GAD1: variants seen among roughly 807,000 people sequenced by gnomAD.
The protein encoded by GAD1 is 67 kDa glutamic acid decarboxylase.
In GAD1, 35 loss-of-function variants were observed where a neutral mutation model predicts 75.2. The observed-to-expected ratio is 0.47, with a 90% CI of 0.36 to 0.62. The LOEUF (loss-of-function observed/expected upper bound fraction) is 0.62. Among genes scored for constraint, GAD1 ranks in the 20% least tolerant of loss-of-function variants. The pLI, the probability that GAD1 is intolerant of heterozygous loss-of-function variation, is 0.00. For synonymous variants in GAD1, 257 were observed against 271.9 expected (o/e 0.95, Z 0.54); for missense variants, 490 against 758.5 (o/e 0.65, Z 4.16).
At position 170,818,732 on chromosome 2, in the gene GAD1, C is replaced by G. The variant is rs751770927; in HGVS notation, c.82+59C>G. 6.6e-7 allele frequency: 1 copy of G among 1,517,160 alleles called. No homozygotes were observed. Among genetic ancestry groups the G allele is most frequent in the Non-Finnish European group, 9.2e-7 (1 of 1,091,524 alleles). 94.0% of individuals were successfully genotyped at this position (1,517,160 alleles called of 1,614,324 possible). ...TGCAGGGAAGATGGGGGCGCTGGGA[C>G]GTCGGGAGGCTGAGCTGGCGGAAAG... On this transcript the variant is annotated intron_variant, in intron 2 of 16. Coordinates refer to ENST00000358196, the MANE Select transcript of GAD1 (RefSeq NM_000817.3). The surrounding 1 kb of genome is among the most constrained non-coding windows in gnomAD (Gnocchi z 5.9).
intron 5 of GAD1, among the ~76,000 whole-genome samples, chr2:170,833,726 C>T (rs1702298647): frequency 1.3e-5 from 2 of 152,202 alleles, no homozygotes; most frequent in Admixed American, 1.3e-4. Context: ...AAAGCACTGA[C>T]GGGCCTGGCC....
At chr2:170,830,854 C>A in intron 4 of GAD1, 96 bp from the exon 5 acceptor site, 1 of 1,479,238 alleles carries the variant, frequency 6.8e-7, no homozygotes, top group Non-Finnish European at 9.4e-7. Context: ...TGAAATCAGG[C>A]CTATACAGAT....
In GAD1 at chr2:170,818,214, T is replaced by A; in HGVS notation, c.-63-315T>A. The A allele has an allele frequency of 3.1e-6, 1 of 323,456 alleles. No homozygotes were observed. Among genetic ancestry groups the A allele is most frequent in the Non-Finnish European group, 6.0e-6 (1 of 166,868 alleles). 20.0% of individuals were successfully genotyped at this position (323,456 alleles called of 1,614,324 possible). A position where few individuals can be genotyped will look rare whatever the true frequency, so the allele number is the denominator to read the frequency against. On this transcript the variant is annotated intron_variant, in intron 1 of 16. Transcript: ENST00000358196. The surrounding 1 kb of genome is among the most constrained non-coding windows in gnomAD (Gnocchi z 5.9). ...TCCCCCACACCCTTGCGTCTTGTAC[T>A]GGCCTTGGACCCCCACCCCGACCCC... is the stretch of plus-strand genomic sequence containing the variant.
rs45562038 is a variant in GAD1, at chr2:170,848,936, C to T, written c.1120-350C>T. Reference sequence around the variant, plus strand: ...AGACAGCAGGCCTCAGTTTTTTGAGCAGCTTCCAGAGCCACCCGGAGGGGG... The same window carrying T: ...AGACAGCAGGCCTCAGTTTTTTGAGTAGCTTCCAGAGCCACCCGGAGGGGG... On this transcript the variant is annotated intron_variant, in intron 11 of 16. Transcript: ENST00000358196. 2,373 of 420,184 alleles carry T rather than the reference C, an allele frequency of 5.6e-3. 49 individuals carry two copies. The highest frequency in any genetic ancestry group is 0.041 in the African/African-American group (2,001 of 48,910). 26.0% of individuals were successfully genotyped at this position (420,184 alleles called of 1,614,324 possible).
In GAD1 at chr2:170,860,317, C is replaced by T. The variant is rs1052054782; in HGVS notation, c.*435C>T. On this transcript the variant is annotated 3_prime_UTR_variant, in exon 17 of 17. Coordinates refer to ENST00000358196, the MANE Select transcript of GAD1 (RefSeq NM_000817.3). ...CGAGGGAAATGCTGTTGGTGAGAAT[C>T]GACCTCACTGTCAGCGTTTCTCCAC... 1.1e-5 allele frequency: 2 copies of T among 178,686 alleles called. No individual in the cohort carries two copies. Among genetic ancestry groups the T allele is most frequent in the African/African-American group, 4.8e-5 (2 of 42,002 alleles). 11.1% of individuals were successfully genotyped at this position (178,686 alleles called of 1,614,324 possible).
At position 170,849,586 on chromosome 2, in the gene GAD1, C is replaced by T. The variant is rs543009077; in HGVS notation, c.1184+236C>T. Among the ~76,000 whole-genome samples, 7 of 152,326 alleles carry T rather than the reference C, an allele frequency of 4.6e-5. No homozygotes were observed. In the South Asian group the frequency reaches 6.2e-4, roughly 14 times the overall value. ...AAGACAGGCCAGGTGTGGTGGCTCA[C>T]GCCTCTAATCCCAAAAATTTAGGAG... On this transcript the variant is annotated intron_variant, in intron 12 of 16. Transcript: ENST00000358196.
intron 6 of GAD1, among the ~76,000 whole-genome samples, chr2:170,841,310 T>C (rs547817007): frequency 2.6e-5 from 4 of 152,326 alleles, no homozygotes; most frequent in Admixed American, 2.0e-4. Flanking sequence ...GAATCTCCTA[T>C]AGTTCTATAC....
Position 170,818,553 on chromosome 2 carries a change from A to C in GAD1, c.-39A>C, listed in dbSNP as rs45617531. The C allele has an allele frequency of 9.4e-4, 1,484 of 1,582,168 alleles. 7 individuals are homozygous for C. The highest frequency in any genetic ancestry group is 6.7e-3 in the Middle Eastern group (40 of 5,976). On this transcript the variant is annotated 5_prime_UTR_variant, in exon 2 of 17. Transcript: ENST00000358196. This position sits in a 1 kb window ranked among gnomAD's most constrained non-coding sequence, Gnocchi z 5.9. Reference sequence around the variant, plus strand: ...GCCTGTTTCTGCGCCGGACCAGTCGAGGACTCTGGACAGTAGAGGCCCCGG... The same window carrying C: ...GCCTGTTTCTGCGCCGGACCAGTCGCGGACTCTGGACAGTAGAGGCCCCGG...
upstream of GAD1, among the ~76,000 whole-genome samples, chr2:170,815,652 A>C (rs1701681748): frequency 6.6e-6 from 1 of 152,180 alleles, no homozygotes; most frequent in Non-Finnish European, 1.5e-5. Context: ...ACCACGGTAA[A>C]TACCAGTAAA....
intron 3 of GAD1, among the ~76,000 whole-genome samples, chr2:170,828,231 CTGCTGTCCTCA>C: frequency 7.7e-5 from 6 of 77,596 alleles, no homozygotes; most frequent in Non-Finnish European, 1.7e-4. Context: ...CCTCCTCTTT[CTGCTGTCCTCA>C]CCCCTCCTCT....
intron 3 of GAD1, chr2:170,828,868 G>A (rs111208311): frequency 1.0e-4 from 14 of 138,658 alleles, no homozygotes; most frequent in East Asian, 2.3e-4. Flanking sequence ...CTCCCTCTGC[G>A]GTCCTTGCTC....
At chr2:170,858,084 C>T (rs939546527) in intron 15 of GAD1, among the ~76,000 whole-genome samples, 2 of 152,216 alleles carry the variant, frequency 1.3e-5, no homozygotes, top group African/African-American at 4.8e-5. Context: ...ATCAGTGACA[C>T]TGCTCTGATC....
chr2:170,831,594 ATGTGTGTGTGTG>A lies in GAD1; in HGVS notation c.547+432_547+443del, dbSNP rs370649454. ...ACATGGCGAAACCTTGTCTCTACAT[ATGTGTGTGTGTG>A]TGTGTGTGTGTGTGTGTGTGTGTGT... On this transcript the variant is annotated intron_variant, in intron 5 of 16. Coordinates refer to ENST00000358196, the MANE Select transcript of GAD1 (RefSeq NM_000817.3). Among the ~76,000 whole-genome samples, 908 of 122,786 alleles carry A rather than the reference ATGTGTGTGTGTG, an allele frequency of 7.4e-3. 13 individuals carry two copies. The highest frequency in any genetic ancestry group is 0.026 in the African/African-American group (849 of 32,396). The allele number at this position is 122,786 out of a possible 152,430, so 80.6% of individuals were successfully genotyped here.
intron 2 of GAD1, 50 bp from the exon 3 acceptor site, chr2:170,822,037 C>G (rs933822000): frequency 6.7e-7 from 1 of 1,484,332 alleles, no homozygotes; most frequent in East Asian, 2.4e-5. Context: ...CCCATTTCCC[C>G]GCGGTCGGAA....
intron 6 of GAD1, among the ~76,000 whole-genome samples, chr2:170,841,442 G>A (rs1702513640): frequency 6.6e-6 from 1 of 152,176 alleles, no homozygotes; most frequent in African/African-American, 2.4e-5. Flanking sequence ...GCTCACAACT[G>A]TAATCTCAGA....
chr2:170,829,589 G>T lies in GAD1; in HGVS notation c.260G>T (p.Arg87Leu), dbSNP rs201232271. ...LSCENSDRDA[R>L]FRRTETDFSN... Reference sequence around the variant, plus strand: ...TGTGAAAACAGCGACCGGGATGCCCGCTTCCGGCGCACAGAGACTGACTTC... The same window carrying T: ...TGTGAAAACAGCGACCGGGATGCCCTCTTCCGGCGCACAGAGACTGACTTC... Residue 87 changes from arginine (R) to leucine (L), a missense_variant, in exon 4 of 17, where the codon CGC becomes CTC. Physicochemically the swap from Arg to Leu is moderately radical, Grantham distance 102 (BLOSUM62 -2). Around this residue, in one of 3 missense-constraint regions of GAD1, gnomAD observed 165 missense variants for 216.4 expected, o/e 0.76. Coordinates refer to ENST00000358196, the MANE Select transcript of GAD1 (RefSeq NM_000817.3). 6.2e-7 allele frequency: 1 copy of T among 1,613,628 alleles called. No individual in the cohort carries two copies. Among genetic ancestry groups the T allele is most frequent in the Non-Finnish European group, 8.5e-7 (1 of 1,180,050 alleles).
intron 16 of GAD1, 60 bp downstream of exon 16, chr2:170,858,953 T>C: frequency 1.4e-6 from 2 of 1,431,686 alleles, no homozygotes; most frequent in South Asian, 2.3e-5. Flanking sequence ...GGTCAGGACA[T>C]CCTCATTCCA....
At chr2:170,850,461 G>A (rs1336112290) in intron 12 of GAD1, among the ~76,000 whole-genome samples, 2 of 152,320 alleles carry the variant, frequency 1.3e-5, no homozygotes, top group East Asian at 3.9e-4. Flanking sequence ...CCCTGAGGCA[G>A]GACTGTTCTT....
In GAD1 at chr2:170,860,355, T is replaced by C. The variant is rs544326208; in HGVS notation, c.*473T>C. ...AGCGTTTCTCCACCTGAAGTGATGA[T>C]GGATGAGAAAAAACACCACCAAATG... On this transcript the variant is annotated 3_prime_UTR_variant, in exon 17 of 17. Coordinates refer to ENST00000358196, the MANE Select transcript of GAD1 (RefSeq NM_000817.3). 16 of 167,422 alleles carry C rather than the reference T, an allele frequency of 9.6e-5. No individual in the cohort carries two copies. The highest frequency in any genetic ancestry group is 3.6e-4 in the African/African-American group (15 of 41,756). The allele number at this position is 167,422 out of a possible 1,614,324, so 10.4% of individuals were successfully genotyped here. A position where few individuals can be genotyped will look rare whatever the true frequency, so the allele number is the denominator to read the frequency against.
Sources: gnomAD v4.1 joint callset for allele counts (sites outside exome capture counted in the v4.1 genomes callset) on GRCh38, gnomAD v4.1.1 for gene constraint, gnomAD v4.1.1 regional missense constraint, Gnocchi (gnomAD v3.1) non-coding constraint, MANE v1.5 for transcripts, NCBI Gene and HGNC (gene_info 2026-07-23, HGNC 2026-07-21) for gene names.